OXR1: variants seen among roughly 807,000 people sequenced by gnomAD.
OXR1 encodes oxidation resistance 1, also known as oxidation resistance protein 1.
In OXR1, 41 loss-of-function variants were observed where a neutral mutation model predicts 104.6. The observed-to-expected ratio is 0.39, with a 90% confidence interval of 0.31 to 0.51. The LOEUF (loss-of-function observed/expected upper bound fraction) is 0.51. Ranked by LOEUF, OXR1 falls within the 20% of genes least tolerant of loss-of-function variation. OXR1 has a pLI of 0.77. For missense variants in OXR1, 955 were observed against 1,031.9 expected (o/e 0.93, Z 1.02); for synonymous variants, 348 against 348.4 (o/e 1.00, Z 0.01).
chr8:106,617,934 C>A, intron 3 of OXR1: 1 of 793,852 alleles, frequency 1.3e-6, no homozygotes, highest in Non-Finnish European at 1.5e-6. Flanking sequence ...GAGCCAAGAG[C>A]AAGTCCACAG....
chr8:106,311,997 AC>A (rs1424140939), intron 1 of OXR1, among the ~76,000 whole-genome samples: 1 of 151,296 alleles, frequency 6.6e-6, no homozygotes, highest in Non-Finnish European at 1.5e-5. Context: ...ATCTTCACCT[AC>A]ACCCCCACCC....
At chr8:106,475,011 A>G (rs1821723193) in intron 2 of OXR1, among the ~76,000 whole-genome samples, 1 of 151,866 alleles carries the variant, frequency 6.6e-6, no homozygotes, top group Admixed American at 6.6e-5. Flanking sequence ...TTCCTTATCT[A>G]CAAAATAAGG....
chr8:106,545,254 A>T (rs1815264863), intron 3 of OXR1, among the ~76,000 whole-genome samples: 1 of 152,232 alleles, frequency 6.6e-6, no homozygotes, highest in African/African-American at 2.4e-5. Flanking sequence ...AAAGGGAGAT[A>T]AAAATGATTA....
chr8:106,326,318 A>G (rs1162733873), intron 1 of OXR1, among the ~76,000 whole-genome samples: 1 of 152,150 alleles, frequency 6.6e-6, no homozygotes, highest in Non-Finnish European at 1.5e-5. Flanking sequence ...GGTTAGGTAA[A>G]TTTTCTCGTG....
intron 3 of OXR1, among the ~76,000 whole-genome samples, chr8:106,551,560 A>G (rs892808165): frequency 2.6e-5 from 4 of 152,078 alleles, no homozygotes; most frequent in African/African-American, 9.7e-5. Context: ...TTAGTTTAAT[A>G]TCTTAGAGAA....
chr8:106,279,670 A>G lies in OXR1; in HGVS notation c.-139+9303A>G, dbSNP rs190076272. Among the ~76,000 whole-genome samples, 244 of 152,302 alleles carry G rather than the reference A, an allele frequency of 1.6e-3. 1 individual carries two copies. Among genetic ancestry groups the G allele is most frequent in the Middle Eastern group, 6.8e-3 (2 of 294 alleles). On this transcript the variant is annotated intron_variant, in intron 1 of 16. Transcript: ENST00000517566. ...TCATTTAGATTACTTTGTGGAAGGGAATGGAGTAAGGCTGAAATTTCACTG... is the reference window on the plus strand; with the variant it reads ...TCATTTAGATTACTTTGTGGAAGGGGATGGAGTAAGGCTGAAATTTCACTG...
chr8:106,491,703 CA>C (rs1341232102), intron 2 of OXR1, among the ~76,000 whole-genome samples: 1 of 152,174 alleles, frequency 6.6e-6, no homozygotes, highest in East Asian at 1.9e-4. Context: ...GAACCACCTC[CA>C]GGGGCACATG....
intron 2 of OXR1, among the ~76,000 whole-genome samples, chr8:106,501,622 T>C (rs1031428015): frequency 6.6e-6 from 1 of 152,190 alleles, no homozygotes; most frequent in African/African-American, 2.4e-5. Context: ...GAGCACTCTT[T>C]TAGGAGTCTC....
intron 1 of OXR1, among the ~76,000 whole-genome samples, chr8:106,337,933 T>A (rs1264087548): frequency 4.6e-5 from 7 of 152,168 alleles, no homozygotes; most frequent in African/African-American, 1.7e-4. Context: ...ATGTGGCTTT[T>A]TATAGGTTTA....
rs553255873 is a variant in OXR1 at position 106,602,950 on chromosome 8, C to T, written c.221-76260C>T. ...GTTTATTCAAATGTATTAGATTACC[C>T]TTCAGAAAGATGATTTATATTTACA... On this transcript the variant is annotated intron_variant, in intron 3 of 16. Transcript: ENST00000517566. Among the ~76,000 whole-genome samples the T allele has an allele frequency of 2.6e-5, 4 of 152,040 alleles. No individual in the cohort carries two copies. In the South Asian group the frequency reaches 8.3e-4, roughly 32 times the overall value.
chr8:106,284,985 T>C (rs1276106983), intron 1 of OXR1, among the ~76,000 whole-genome samples: 10 of 152,162 alleles, frequency 6.6e-5, no homozygotes, highest in Admixed American at 6.6e-4. Context: ...TAAATATATA[T>C]AAAATAAGTT....
intron 11 of OXR1, among the ~76,000 whole-genome samples, chr8:106,732,738 G>A (rs1347499414): frequency 1.3e-5 from 2 of 152,052 alleles, no homozygotes; most frequent in Non-Finnish European, 2.9e-5. Context: ...CTACTTCGTC[G>A]TTGTATATAA....
Position 106,555,536 on chromosome 8 carries a change from A to T in OXR1, c.220+36397A>T, listed in dbSNP as rs549009504. On this transcript the variant is annotated intron_variant, in intron 3 of 16. Coordinates refer to ENST00000517566, the MANE Select transcript of OXR1 (RefSeq NM_001198533.2). Reference sequence around the variant, plus strand: ...TCACACAGCTGGTAGTAGCAGGAAAATGAAGAGTCTATAGATGAGAAATCC... The same window carrying T: ...TCACACAGCTGGTAGTAGCAGGAAATTGAAGAGTCTATAGATGAGAAATCC... Among the ~76,000 whole-genome samples the T allele has an allele frequency of 2.6e-5, 4 of 152,276 alleles. No individual in the cohort carries two copies. In the South Asian group the frequency reaches 8.3e-4, roughly 32 times the overall value.
chr8:106,606,467 A>ATTTTTTT (rs34425594), intron 3 of OXR1, among the ~76,000 whole-genome samples: 1 of 136,930 alleles, frequency 7.3e-6, no homozygotes. Flanking sequence ...TGCCTGGCTA[A>ATTTTTTT]TTTTTTTTTT....
At chr8:106,310,653 C>G (rs1813662959) in intron 1 of OXR1, among the ~76,000 whole-genome samples, 1 of 152,174 alleles carries the variant, frequency 6.6e-6, no homozygotes, top group Non-Finnish European at 1.5e-5. Flanking sequence ...TTATTCTAAT[C>G]TCACATTTGA....
At chr8:106,458,537 C>T (rs1820731410) in intron 2 of OXR1, among the ~76,000 whole-genome samples, 1 of 152,056 alleles carries the variant, frequency 6.6e-6, no homozygotes, top group Non-Finnish European at 1.5e-5. Context: ...GCAGAGAGCC[C>T]CCATTAAAGC....
intron 1 of OXR1, among the ~76,000 whole-genome samples, chr8:106,274,606 C>T (rs560508565): frequency 3.7e-5 from 5 of 136,382 alleles, no homozygotes; most frequent in Non-Finnish European, 8.2e-5. Context: ...CGCCACCCCC[C>T]CCCCGACCCC....
At chr8:106,397,445 TA>T (rs1817825346) in intron 2 of OXR1, among the ~76,000 whole-genome samples, 1 of 152,098 alleles carries the variant, frequency 6.6e-6, no homozygotes, top group Non-Finnish European at 1.5e-5. Context: ...ATTAACTTTT[TA>T]AAAAGCTCAG....
intron 11 of OXR1, among the ~76,000 whole-genome samples, chr8:106,735,839 A>G (rs1434747001): frequency 6.6e-6 from 1 of 152,124 alleles, no homozygotes; most frequent in Non-Finnish European, 1.5e-5. Context: ...ACTGAAATAT[A>G]AAAATTAAAT....
Sources: gnomAD v4.1 joint callset for allele counts (sites outside exome capture counted in the v4.1 genomes callset) on GRCh38, gnomAD v4.1.1 for gene constraint, MANE v1.5 for transcripts, NCBI Gene and HGNC (gene_info 2026-07-23, HGNC 2026-07-21) for gene names.